NSUN6: variants seen among roughly 807,000 people sequenced by gnomAD.
NSUN6 encodes tRNA (cytosine(72)-C(5))-methyltransferase NSUN6.
In NSUN6, 64 loss-of-function variants were observed where a neutral mutation model predicts 58.0. The ratio of observed to expected loss-of-function variants is 1.10; its 90% CI spans 0.90 to 1.36. The LOEUF is 1.36. Ranked by LOEUF, NSUN6 falls within the 40% of genes most tolerant of loss-of-function variation. NSUN6 has a pLI of 0.00. For missense variants in NSUN6, 701 were observed against 550.1 expected (o/e 1.27, Z -2.74); for synonymous variants, 231 against 193.9 (o/e 1.19, Z -1.59).
At chr10:18,582,486 G>T (rs139550634) in intron 8 of NSUN6, among the ~76,000 whole-genome samples, 4 of 152,142 alleles carry the variant, frequency 2.6e-5, no homozygotes, top group African/African-American at 4.8e-5. Context: ...ACCAAAGACC[G>T]GAGAAGTTTA....
upstream of NSUN6, chr10:18,653,190 A>ACCCAAAATGTGT: frequency 2.0e-6 from 2 of 984,688 alleles, no homozygotes; most frequent in African/African-American, 3.5e-5. Context: ...CCACAAGGAT[A>ACCCAAAATGTGT]GAGACTTTAT....
chr10:18,608,198 G>C (rs982391562), intron 6 of NSUN6, among the ~76,000 whole-genome samples: 1 of 152,154 alleles, frequency 6.6e-6, no homozygotes, highest in Non-Finnish European at 1.5e-5. Context: ...TGGTAGTCTG[G>C]ACAGTATGAA....
chr10:18,560,832 T>C (rs1241164784), intron 8 of NSUN6, among the ~76,000 whole-genome samples: 5 of 141,800 alleles, frequency 3.5e-5, no homozygotes, highest in African/African-American at 5.3e-5. Flanking sequence ...GAATGGAGAA[T>C]GGAAGAGAAT....
Position 18,618,246 on chromosome 10 carries a change from T to C in NSUN6, c.312-1953A>G, listed in dbSNP as rs544385305. Among the ~76,000 whole-genome samples the C allele has an allele frequency of 3.3e-5, 5 of 152,382 alleles. No individual in the cohort carries two copies. The East Asian group carries it at 9.6e-4, about 29-fold the overall frequency. ...TTCTGCAACTTCACTCTGAAGTATG[T>C]AGACATGAATCTACTTTTACTTTTG... On this transcript the variant is annotated intron_variant, in intron 3 of 10. Transcript: ENST00000377304.
At chr10:18,638,692 C>G (rs749824737) in intron 3 of NSUN6, among the ~76,000 whole-genome samples, 1 of 151,998 alleles carries the variant, frequency 6.6e-6, no homozygotes, top group Non-Finnish European at 1.5e-5. Context: ...CTGAAACAAC[C>G]AGACTCAGCC....
chr10:18,596,216 G>C lies in NSUN6; in HGVS notation c.769C>G (p.His257Asp). 3.1e-6 allele frequency: 5 copies of C among 1,610,788 alleles called. No individual in the cohort carries two copies. Among genetic ancestry groups the C allele is most frequent in the Non-Finnish European group, 4.2e-6 (5 of 1,177,048 alleles). ...TGTGAAGACAGTCTCACCTGATCAT[G>C]CATTAGTGCTGCAATGTGTGTTGTT... ...GKTTHIAALM[H>D]DQGEVIALDK... The change falls in exon 7 of 11, where the codon CAT becomes GAT. Residue 257 changes from histidine to aspartate, a missense_variant. Physicochemically the swap from His to Asp is moderately conservative, Grantham distance 81 (BLOSUM62 -1). Coordinates refer to ENST00000377304, the MANE Select transcript of NSUN6 (RefSeq NM_182543.5).
Position 18,645,375 on chromosome 10 carries a change from G to T in NSUN6, c.232-2820C>A, listed in dbSNP as rs1259357769. Among the ~76,000 whole-genome samples the T allele has an allele frequency of 3.9e-5, 6 of 152,184 alleles. No individual in the cohort carries two copies. The East Asian group carries it at 9.6e-4, about 24-fold the overall frequency. On this transcript the variant is annotated intron_variant, in intron 2 of 10. Coordinates refer to ENST00000377304, the MANE Select transcript of NSUN6 (RefSeq NM_182543.5). ...ATTACCTTCAGGCTATGTATACAAG[G>T]TGAATATGAAACATAAAAGAATTTC...
At chr10:18,622,283 G>A (rs930673954) in intron 3 of NSUN6, among the ~76,000 whole-genome samples, 2 of 152,306 alleles carry the variant, frequency 1.3e-5, no homozygotes. Context: ...AATACAATGA[G>A]AAGTCAGCTA....
At chr10:18,602,405 G>A (rs539025323) in intron 6 of NSUN6, among the ~76,000 whole-genome samples, 133 of 152,106 alleles carry the variant, frequency 8.7e-4, no homozygotes, top group East Asian at 3.5e-3. Context: ...CACCACGCCC[G>A]GCTAATTTTT....
At chr10:18,610,430 T>A (rs1196177889) in intron 5 of NSUN6, among the ~76,000 whole-genome samples, 1 of 152,224 alleles carries the variant, frequency 6.6e-6, no homozygotes, top group African/African-American at 2.4e-5. Flanking sequence ...ACCTGCAGAA[T>A]ACGAAGCCAT....
chr10:18,551,918 A>G lies in NSUN6; in HGVS notation c.976T>C (p.Cys326Arg), dbSNP rs758937743. 11 of 1,610,650 alleles carry G rather than the reference A, an allele frequency of 6.8e-6. No homozygotes were observed. The highest frequency in any genetic ancestry group is 1.7e-4 in the Middle Eastern group (1 of 6,056). The change falls in exon 9 of 11, where the codon TGT becomes CGT. Residue 326 changes from cysteine (C) to arginine (R), a missense_variant. Cys to Arg is a radical substitution (Grantham distance 180, BLOSUM62 -3). Transcript: ENST00000377304. Reference sequence around the variant, plus strand: ...TTTGGTCTCTGTCCCATTCCACTACAGGGTGCATCCAGAAGAATTCGGTCA... The same window carrying G: ...TTTGGTCTCTGTCCCATTCCACTACGGGGTGCATCCAGAAGAATTCGGTCA... ...SFDRILLDAP[C>R]SGMGQRPNMA... is the part of the protein sequence containing the mutation.
chr10:18,640,538 G>C (rs1056573743), intron 3 of NSUN6, among the ~76,000 whole-genome samples: 3 of 152,102 alleles, frequency 2.0e-5, no homozygotes, highest in Non-Finnish European at 4.4e-5. Context: ...CTGTGATTAT[G>C]GTCTATTATA....
intron 6 of NSUN6, among the ~76,000 whole-genome samples, chr10:18,602,158 G>A (rs1380514432): frequency 3.3e-5 from 5 of 151,198 alleles, no homozygotes; most frequent in African/African-American, 1.2e-4. Context: ...TGCCTCCCAG[G>A]TTCAACTGAT....
chr10:18,643,343 G>A (rs1173234951), intron 2 of NSUN6, among the ~76,000 whole-genome samples: 3 of 151,708 alleles, frequency 2.0e-5, no homozygotes, highest in Admixed American at 6.6e-5. Flanking sequence ...CTATTAGAGG[G>A]CAGCACGCAA....
intron 1 of NSUN6, among the ~76,000 whole-genome samples, chr10:18,650,820 T>A (rs890542630): frequency 1.3e-5 from 2 of 152,250 alleles, no homozygotes; most frequent in Admixed American, 6.5e-5. Flanking sequence ...CTTTTAAAAT[T>A]CGATTCGAGT....
intron 6 of NSUN6, among the ~76,000 whole-genome samples, chr10:18,600,650 C>T (rs1278198537): frequency 6.6e-6 from 1 of 150,706 alleles, no homozygotes; most frequent in Non-Finnish European, 1.5e-5. Flanking sequence ...ACTACCTGGC[C>T]GGTGCAGTGG....
chr10:18,614,761 A>C (rs1360520171), intron 4 of NSUN6, 148 bp from the exon 5 acceptor site: 1 of 389,156 alleles, frequency 2.6e-6, no homozygotes, highest in African/African-American at 2.1e-5. Context: ...TCTTTAATAG[A>C]AAATCTGACT....
Position 18,546,092 on chromosome 10 carries a change from CT to C in NSUN6, c.1250del (p.Gln417ArgfsTer2). On this transcript the variant is annotated frameshift_variant, in exon 11 of 11. Transcript: ENST00000377304. LOFTEE classifies it high-confidence loss of function. ...GATCAAATCGCTGCAGCTGTTTCAA[CT>C]GTTCACATGAGAGCCCAGCTCCCCT... The part of the protein sequence containing the change: ...GMRGAGLSCE[Q>X]LKQLQRFDPS... 1 of 1,611,768 alleles carries C rather than the reference CT, an allele frequency of 6.2e-7. No homozygotes were observed. Among genetic ancestry groups the C allele is most frequent in the Non-Finnish European group, 8.5e-7 (1 of 1,179,208 alleles).
chr10:18,607,345 C>G (rs774023287), intron 6 of NSUN6, among the ~76,000 whole-genome samples: 1 of 152,020 alleles, frequency 6.6e-6, no homozygotes, highest in Non-Finnish European at 1.5e-5. Flanking sequence ...TTTAAAATTC[C>G]ACATTCTTCT....
Sources: gnomAD v4.1 joint callset for allele counts (sites outside exome capture counted in the v4.1 genomes callset) on GRCh38, gnomAD v4.1.1 for gene constraint, MANE v1.5 for transcripts, NCBI Gene and HGNC (gene_info 2026-07-23, HGNC 2026-07-21) for gene names.